The following MALRD1 variants were observed in gnomAD, a reference collection of about 807,000 sequenced individuals.
MALRD1 encodes the protein MAM and LDL-receptor class A domain-containing protein 1.
Under a neutral mutation model 242.1 loss-of-function variants are expected in MALRD1, and 247 were observed. The ratio of observed to expected loss-of-function variants is 1.02; its 90% CI spans 0.92 to 1.13. The LOEUF is 1.13. Among genes scored for constraint, MALRD1 ranks in the 50% most tolerant of loss-of-function variants. MALRD1 has a pLI of 0.00. For synonymous variants in MALRD1, 995 were observed against 866.6 expected (o/e 1.15, Z -2.60); for missense variants, 2,989 against 2,533.1 (o/e 1.18, Z -3.86).
At chr10:19,266,097 T>C (rs1489213088) in intron 19 of MALRD1, among the ~76,000 whole-genome samples, 2 of 151,952 alleles carry the variant, frequency 1.3e-5, no homozygotes, top group African/African-American at 4.8e-5. Context: ...AGTATATCTG[T>C]GTCCTCAAAG....
intron 21 of MALRD1, among the ~76,000 whole-genome samples, chr10:19,308,366 G>A (rs1363671573): frequency 6.6e-6 from 1 of 151,376 alleles, no homozygotes; most frequent in Admixed American, 6.6e-5. Flanking sequence ...AAACTATATG[G>A]TATATTATTG....
intron 29 of MALRD1, among the ~76,000 whole-genome samples, chr10:19,471,893 T>C (rs961616081): frequency 2.6e-5 from 4 of 151,914 alleles, no homozygotes; most frequent in Non-Finnish European, 4.4e-5. Flanking sequence ...ACTTTTTCTT[T>C]CAAATTTGGA....
At position 19,203,728 on chromosome 10, in the gene MALRD1, T is replaced by C. The variant is rs1564464107; in HGVS notation, c.1952T>C (p.Phe651Ser). The C allele has an allele frequency of 2.6e-6, 4 of 1,528,340 alleles. No individual in the cohort carries two copies. Among genetic ancestry groups the C allele is most frequent in the Non-Finnish European group, 3.5e-6 (4 of 1,132,954 alleles). 94.7% of individuals were successfully genotyped at this position (1,528,340 alleles called of 1,614,324 possible). Residue 651 changes from phenylalanine to serine, a missense_variant and splice_region_variant, in exon 15 of 40, where the codon TTT (phenylalanine) becomes TCT (serine). Physicochemically the swap from Phe to Ser is radical, Grantham distance 155. Transcript: ENST00000454679. The part of the protein sequence containing the change: ...SLPRTSTQSK[F>S]SKCDFEANSC... ...TAAGAGCCACATTTTTGTTCTTCAG[T>C]TTCCAAGTGTGACTTTGAAGCAAAC...
Position 19,518,248 on chromosome 10 carries a change from G to A in MALRD1, c.5321-12946G>A, listed in dbSNP as rs566353228. Among the ~76,000 whole-genome samples the A allele has an allele frequency of 3.9e-5, 6 of 152,294 alleles. No individual in the cohort carries two copies. In the South Asian group the frequency reaches 1.2e-3, roughly 32 times the overall value. On this transcript the variant is annotated intron_variant, in intron 31 of 39. Coordinates refer to ENST00000454679, the MANE Select transcript of MALRD1 (RefSeq NM_001142308.3). Reference sequence around the variant, plus strand: ...AGTTTGTTTTGCAGAAACTCAAAGAGACAACCTCAGACTAATGGCCTCCTG... The same window carrying A: ...AGTTTGTTTTGCAGAAACTCAAAGAAACAACCTCAGACTAATGGCCTCCTG...
intron 36 of MALRD1, among the ~76,000 whole-genome samples, chr10:19,650,885 C>T (rs10508591): frequency 0.11 from 16,619 of 152,122 alleles, 2,320 homozygotes; most frequent in African/African-American, 0.32. Flanking sequence ...AGAGTGAGAA[C>T]AGGTGTCCTT....
At chr10:19,442,635 A>G (rs951653416) in intron 28 of MALRD1, among the ~76,000 whole-genome samples, 2 of 151,926 alleles carry the variant, frequency 1.3e-5, no homozygotes, top group Non-Finnish European at 2.9e-5. Flanking sequence ...TGATTTTTGT[A>G]TGTTGGACCA....
chr10:19,594,536 A>C (rs1837979333), intron 33 of MALRD1, among the ~76,000 whole-genome samples: 1 of 152,196 alleles, frequency 6.6e-6, no homozygotes, highest in Non-Finnish European at 1.5e-5. Flanking sequence ...ATCCTTATGC[A>C]TGTTTATAGC....
rs141919218 is a variant in MALRD1 at position 19,690,936 on chromosome 10, A to G, written c.6138-1346A>G. Among the ~76,000 whole-genome samples, 462 of 152,168 alleles carry G rather than the reference A, an allele frequency of 3.0e-3. 1 individual carries two copies. Among genetic ancestry groups the G allele is most frequent in the African/African-American group, 0.01 (427 of 41,558 alleles). On this transcript the variant is annotated intron_variant, in intron 36 of 39. Transcript: ENST00000454679. Reference sequence around the variant, plus strand: ...TCCACTAAAATTTATCAATAGGCACATTCAAAAGTGTACTATTTGTCTAAG... The same window carrying G: ...TCCACTAAAATTTATCAATAGGCACGTTCAAAAGTGTACTATTTGTCTAAG...
chr10:19,376,552 T>TA (rs1845611400), intron 26 of MALRD1, among the ~76,000 whole-genome samples: 1 of 140,758 alleles, frequency 7.1e-6, no homozygotes, highest in South Asian at 2.4e-4. Context: ...CTTTTTTTTT[T>TA]TTTTTTTTTT....
At position 19,607,796 on chromosome 10, in the gene MALRD1, T is replaced by A. The variant is rs1389174844; in HGVS notation, c.5964T>A (p.Asn1988Lys). ...TTGCAGCCAACAAAAGCTGTTCTAATGGAGCTCTGGTGTGTGCCTCCTCCA... is the reference window on the plus strand; with the variant it reads ...TTGCAGCCAACAAAAGCTGTTCTAAAGGAGCTCTGGTGTGTGCCTCCTCCA... ...ELICSNKSCSNGALVCASSNS... is the reference protein window; with the variant it reads ...ELICSNKSCSKGALVCASSNS... Residue 1988 changes from asparagine (N) to lysine (K), a missense_variant, in exon 35 of 40, where the codon AAT (asparagine) becomes AAA (lysine). Transcript: ENST00000454679. 6.5e-7 allele frequency: 1 copy of A among 1,549,586 alleles called. No individual in the cohort carries two copies. Among genetic ancestry groups the A allele is most frequent in the Admixed American group, 2.0e-5 (1 of 50,934 alleles).
intron 38 of MALRD1, among the ~76,000 whole-genome samples, chr10:19,725,299 G>A (rs1471455765): frequency 3.9e-5 from 6 of 152,140 alleles, no homozygotes; most frequent in Admixed American, 3.3e-4. Context: ...TCTCAGGATA[G>A]TGAGTAAGTT....
intron 15 of MALRD1, among the ~76,000 whole-genome samples, 156 bp from the exon 16 acceptor site, chr10:19,204,152 C>T (rs1187047970): frequency 6.6e-6 from 1 of 152,042 alleles, no homozygotes; most frequent in African/African-American, 2.4e-5. Flanking sequence ...CAATATTTAT[C>T]AGAACAAATT....
intron 34 of MALRD1, among the ~76,000 whole-genome samples, chr10:19,605,163 A>T (rs369390914): frequency 8.2e-4 from 114 of 139,040 alleles, no homozygotes; most frequent in Non-Finnish European, 1.1e-3. Context: ...TTTTATTATT[A>T]TTTTTTTTTT....
intron 36 of MALRD1, among the ~76,000 whole-genome samples, chr10:19,630,918 A>G (rs1051656478): frequency 9.2e-5 from 14 of 152,162 alleles, no homozygotes; most frequent in Non-Finnish European, 1.8e-4. Context: ...TTGGCTATAA[A>G]GTATATGAAA....
intron 33 of MALRD1, among the ~76,000 whole-genome samples, chr10:19,572,939 A>G (rs918985999): frequency 2.6e-5 from 4 of 152,192 alleles, no homozygotes; most frequent in Non-Finnish European, 5.9e-5. Flanking sequence ...TGGCCTCCAC[A>G]ACTATGGAAG....
chr10:19,430,917 G>A (rs1834102728), intron 28 of MALRD1, among the ~76,000 whole-genome samples: 1 of 152,180 alleles, frequency 6.6e-6, no homozygotes, highest in Non-Finnish European at 1.5e-5. Context: ...TAGACTTGAT[G>A]CGCCATATAT....
intron 14 of MALRD1, among the ~76,000 whole-genome samples, chr10:19,181,965 T>C (rs1835525179): frequency 6.6e-6 from 1 of 152,154 alleles, no homozygotes; most frequent in African/African-American, 2.4e-5. Flanking sequence ...GTAGCTATTT[T>C]AACTCTAGGA....
chr10:19,312,294 T>G (rs1842458549), intron 21 of MALRD1, among the ~76,000 whole-genome samples: 2 of 150,576 alleles, frequency 1.3e-5, no homozygotes, highest in Non-Finnish European at 3.0e-5. Context: ...GTATAACACA[T>G]TACAGTGGAT....
At chr10:19,541,738 T>C (rs1834982401) in intron 32 of MALRD1, among the ~76,000 whole-genome samples, 1 of 152,140 alleles carries the variant, frequency 6.6e-6, no homozygotes, top group African/African-American at 2.4e-5. Context: ...ATCTATCACA[T>C]AATAAGAATC....
Sources: allele counts gnomAD v4.1 joint callset (sites outside exome capture counted in the v4.1 genomes callset), GRCh38; gene constraint gnomAD v4.1.1; transcripts MANE v1.5; gene names NCBI Gene and HGNC (gene_info 2026-07-23, HGNC 2026-07-21).